Variants in LAMB4 observed in about 807,000 individuals in gnomAD.
The protein encoded by LAMB4 is laminin subunit beta 4.
In LAMB4, 196 loss-of-function variants were observed where a neutral mutation model predicts 199.2. The ratio of observed to expected loss-of-function variants is 0.98; its 90% CI spans 0.88 to 1.11. The LOEUF is 1.11. Among genes scored for constraint, LAMB4 ranks in the 50% least tolerant of loss-of-function variants. The pLI is 0.00. For missense variants in LAMB4, 2,080 were observed against 2,171.2 expected, an observed-to-expected ratio of 0.96 and a Z score of 0.83; for synonymous variants, 744 against 770.6, an observed-to-expected ratio of 0.97 and a Z score of 0.57.
At chr7:108,020,663 T>A (rs543220116), downstream of LAMB4, among the ~76,000 whole-genome samples, 1 of 152,248 alleles carries the variant, frequency 6.6e-6, no homozygotes, top group South Asian at 2.1e-4. Flanking sequence ...TGGAACCTCC[T>A]ATAGGCAGAA....
At chr7:108,027,472 GT>G (rs2034878104) in intron 33 of LAMB4, among the ~76,000 whole-genome samples, 2 of 152,102 alleles carry the variant, frequency 1.3e-5, no homozygotes, top group South Asian at 4.1e-4. Context: ...CCATACTAAT[GT>G]TCCATTTTCA....
At position 108,105,906 on chromosome 7, in the gene LAMB4, C is replaced by G. The variant is rs1482851211; in HGVS notation, c.781G>C (p.Val261Leu). The change falls in exon 8 of 34, where the codon GTT (valine) becomes CTT (leucine). Residue 261 changes from valine to leucine, a missense_variant. Physicochemically the swap from Val to Leu is conservative, Grantham distance 32 (BLOSUM62 1). Transcript: ENST00000388781. The stretch of plus-strand genomic sequence containing the variant: ...CCATTGCAAAAGCAGCTTCCCCGAA[C>G]AATCATCTCGTACAGAGCATAGTAG... Reference protein sequence around the residue: ...KYYYALYEMIVRGSCFCNGHA... With the variant: ...KYYYALYEMILRGSCFCNGHA... 1.2e-6 allele frequency: 2 copies of G among 1,614,114 alleles called. No homozygotes were observed. Among genetic ancestry groups the G allele is most frequent in the Middle Eastern group, 3.3e-4 (2 of 6,084 alleles).
intron 29 of LAMB4, among the ~76,000 whole-genome samples, chr7:108,043,408 C>T (rs2035489271): frequency 6.6e-6 from 1 of 151,900 alleles, no homozygotes; most frequent in South Asian, 2.1e-4. Flanking sequence ...TTATCTTTTA[C>T]AGAAAGCTGT....
intron 33 of LAMB4, among the ~76,000 whole-genome samples, chr7:108,027,074 G>A (rs966761559): frequency 2.0e-5 from 3 of 152,066 alleles, no homozygotes; most frequent in African/African-American, 7.2e-5. Flanking sequence ...TAAACAATAT[G>A]ACATAAAAAC....
chr7:108,084,970 C>G (rs1182794561), intron 14 of LAMB4, among the ~76,000 whole-genome samples: 1 of 151,758 alleles, frequency 6.6e-6, no homozygotes, highest in Admixed American at 6.6e-5. Flanking sequence ...AACTCCTGGG[C>G]TCAAGTAATC....
At chr7:108,023,224 A>G (rs1225368966), downstream of LAMB4, among the ~76,000 whole-genome samples, 3 of 152,246 alleles carry the variant, frequency 2.0e-5, no homozygotes, top group African/African-American at 7.2e-5. Context: ...TGTGAAACCA[A>G]ACTCACTTAA....
chr7:108,028,904 C>G, intron 33 of LAMB4, 139 bp downstream of exon 33: 1 of 782,612 alleles, frequency 1.3e-6, no homozygotes. Context: ...CCCCAAAACA[C>G]AAGACCAATT....
chr7:108,124,819 C>T (rs1339279258), intron 1 of LAMB4, among the ~76,000 whole-genome samples: 2 of 152,330 alleles, frequency 1.3e-5, no homozygotes, highest in East Asian at 3.9e-4. Flanking sequence ...CCAGTCCCTG[C>T]ACATGCACAG....
chr7:108,043,910 A>T lies in LAMB4; in HGVS notation c.4327-14T>A. ...TATACTTTCGATCTGGAATGAGAAA[A>T]ACACAATGAAGAATACTCGACAATA... On this transcript the variant is annotated splice_polypyrimidine_tract_variant and intron_variant, in intron 28 of 33. Transcript: ENST00000388781. 1 of 1,594,416 alleles carries T rather than the reference A, an allele frequency of 6.3e-7. No individual in the cohort carries two copies. The highest frequency in any genetic ancestry group is 8.5e-7 in the Non-Finnish European group (1 of 1,173,704).
chr7:108,126,739 T>A (rs951380298), intron 1 of LAMB4, among the ~76,000 whole-genome samples: 1 of 149,326 alleles, frequency 6.7e-6, no homozygotes, highest in Non-Finnish European at 1.5e-5. Flanking sequence ...TAATTTTTTT[T>A]TTGTATTTTT....
chr7:108,037,287 A>C (rs2035263256), intron 30 of LAMB4, 101 bp downstream of exon 30: 1 of 903,572 alleles, frequency 1.1e-6, no homozygotes, highest in South Asian at 1.6e-5. Flanking sequence ...TCAGAAGGTA[A>C]TTTCATTTGA....
chr7:108,052,099 G>T lies in LAMB4; in HGVS notation c.3914C>A (p.Ala1305Glu). ...TCAAAAATACATTTTTCCCTTACCC[G>T]CAATGCTTGCATTAAGGACACTGGA... ...LQSSVLNASI[A>E]DSSENIKKYY... Residue 1305 changes from alanine to glutamate, a missense_variant and splice_region_variant, in exon 26 of 34, where the codon GCG (alanine) becomes GAG (glutamate). Transcript: ENST00000388781. The T allele has an allele frequency of 6.3e-7, 1 of 1,598,804 alleles. No individual in the cohort carries two copies. Among genetic ancestry groups the T allele is most frequent in the Non-Finnish European group, 8.5e-7 (1 of 1,172,526 alleles).
chr7:108,060,579 A>G (rs1322562010), intron 23 of LAMB4, among the ~76,000 whole-genome samples: 1 of 152,226 alleles, frequency 6.6e-6, no homozygotes, highest in East Asian at 1.9e-4. Flanking sequence ...AATATTTTGC[A>G]GTGCCAGAAA....
intron 17 of LAMB4, among the ~76,000 whole-genome samples, chr7:108,072,190 A>G (rs2036556065): frequency 6.6e-6 from 1 of 152,186 alleles, no homozygotes; most frequent in African/African-American, 2.4e-5. Context: ...AACCCTGTTT[A>G]TAGTTTGAGT....
At chr7:108,039,058 A>T (rs1274018583) in intron 29 of LAMB4, among the ~76,000 whole-genome samples, 1 of 152,172 alleles carries the variant, frequency 6.6e-6, no homozygotes, top group Non-Finnish European at 1.5e-5. Flanking sequence ...AAACTTGTGG[A>T]GACTGTGGGG....
intron 31 of LAMB4, among the ~76,000 whole-genome samples, chr7:108,031,363 G>GA (rs2035031103): frequency 9.8e-6 from 1 of 102,528 alleles, no homozygotes; most frequent in Non-Finnish European, 2.1e-5. Flanking sequence ...AAAAGAAAAA[G>GA]GAAAAGAAAA....
At chr7:108,073,506 T>C (rs1268422946) in intron 17 of LAMB4, among the ~76,000 whole-genome samples, 1 of 152,216 alleles carries the variant, frequency 6.6e-6, no homozygotes, top group Admixed American at 6.5e-5. Flanking sequence ...GAAAACAAAT[T>C]TCAGTGATCT....
chr7:108,116,831 A>C (rs2038424418), intron 2 of LAMB4, among the ~76,000 whole-genome samples: 1 of 152,180 alleles, frequency 6.6e-6, no homozygotes, highest in Admixed American at 6.5e-5. Context: ...CCAGGAGCTC[A>C]AGACCAGCTT....
intron 14 of LAMB4, among the ~76,000 whole-genome samples, chr7:108,089,705 T>C (rs746464564): frequency 6.6e-6 from 1 of 152,212 alleles, no homozygotes; most frequent in Admixed American, 6.5e-5. Flanking sequence ...CTCTGTTACC[T>C]AGGCTAGAGT....
Sources: gnomAD v4.1 joint callset for allele counts (sites outside exome capture counted in the v4.1 genomes callset) on GRCh38, gnomAD v4.1.1 for gene constraint, MANE v1.5 for transcripts, NCBI Gene and HGNC (gene_info 2026-07-23, HGNC 2026-07-21) for gene names.